Variants in GFRA1 observed in about 807,000 individuals in gnomAD.
The protein encoded by GFRA1 is GDNF family receptor alpha 1, also known as GDNF family receptor alpha-1.
A neutral mutation model predicts 51.6 loss-of-function variants in GFRA1; 16 were observed. The observed-to-expected ratio is 0.31, with a 90% confidence interval of 0.21 to 0.47. GFRA1 has a LOEUF of 0.47. Ranked by LOEUF, GFRA1 falls within the 20% of genes least tolerant of loss-of-function variation. The pLI, the probability that GFRA1 is intolerant of heterozygous loss-of-function variation, is 1.00. For missense variants in GFRA1, 530 were observed against 594.3 expected (o/e 0.89, Z 1.13); for synonymous variants, 270 against 241.3 (o/e 1.12, Z -1.10).
chr10:116,090,802 A>G (rs142263615), intron 8 of GFRA1, among the ~76,000 whole-genome samples: 1 of 152,212 alleles, frequency 6.6e-6, no homozygotes, highest in East Asian at 1.9e-4. Flanking sequence ...GCAAATTGTT[A>G]ATATATGACT....
intron 5 of GFRA1, among the ~76,000 whole-genome samples, chr10:116,157,486 C>T (rs1353434456): frequency 1.3e-5 from 2 of 152,226 alleles, no homozygotes; most frequent in Non-Finnish European, 2.9e-5. Context: ...TGAATCTGTG[C>T]CTTCCAGCCC....
intron 4 of GFRA1, among the ~76,000 whole-genome samples, chr10:116,248,016 T>C (rs1466173568): frequency 2.6e-5 from 4 of 152,210 alleles, no homozygotes; most frequent in African/African-American, 9.7e-5. Flanking sequence ...AATGGTTACA[T>C]TGGTTCATTC....
chr10:116,176,009 G>A (rs1241938774), intron 5 of GFRA1, among the ~76,000 whole-genome samples: 1 of 152,152 alleles, frequency 6.6e-6, no homozygotes, highest in Non-Finnish European at 1.5e-5. Context: ...CAGGCTGATC[G>A]TTTCCGCCAC....
At chr10:116,203,572 G>C (rs1173482152) in intron 5 of GFRA1, among the ~76,000 whole-genome samples, 1 of 152,218 alleles carries the variant, frequency 6.6e-6, no homozygotes, top group African/African-American at 2.4e-5. Flanking sequence ...GCTGGGGGAA[G>C]GTGGCACATG....
intron 4 of GFRA1, among the ~76,000 whole-genome samples, chr10:116,232,955 C>G (rs968126003): frequency 6.6e-6 from 1 of 152,150 alleles, no homozygotes; most frequent in Non-Finnish European, 1.5e-5. Context: ...CTAGTTCAGG[C>G]CAAAGAACAA....
At chr10:116,143,405 A>G (rs1958658487) in intron 5 of GFRA1, among the ~76,000 whole-genome samples, 1 of 151,710 alleles carries the variant, frequency 6.6e-6, no homozygotes, top group South Asian at 2.1e-4. Flanking sequence ...AAAATTCCTT[A>G]GTTGTCTTTA....
intron 5 of GFRA1, among the ~76,000 whole-genome samples, chr10:116,161,648 T>C (rs970439585): frequency 3.9e-5 from 6 of 152,124 alleles, no homozygotes; most frequent in African/African-American, 1.4e-4. Context: ...TGAGATATGA[T>C]GGTTTTTATA....
At position 116,198,601 on chromosome 10, in the gene GFRA1, C is replaced by T. The variant is rs12219317; in HGVS notation, c.433+13030G>A. Among the ~76,000 whole-genome samples the T allele has an allele frequency of 1.2e-4, 19 of 152,290 alleles. No individual in the cohort carries two copies. The East Asian group carries it at 1.9e-3, about 16-fold the overall frequency. ...CACAGCCCTTTCCTGCAAAGCTACT[C>T]GCCGTGTTTTCCTCTCTCCCAAGCC... On this transcript the variant is annotated intron_variant, in intron 5 of 10. Transcript: ENST00000355422.
chr10:116,162,306 C>T (rs1054822620), intron 5 of GFRA1, among the ~76,000 whole-genome samples: 4 of 152,166 alleles, frequency 2.6e-5, no homozygotes, highest in African/African-American at 4.8e-5. Context: ...ACCAGAGATC[C>T]GAAAGGACCC....
At position 116,134,328 on chromosome 10, in the gene GFRA1, C is replaced by T. The variant is rs564174433; in HGVS notation, c.434-8771G>A. 3.3e-5 allele frequency among the ~76,000 whole-genome samples: 5 copies of T among 152,250 alleles called. No homozygotes were observed. The East Asian group carries it at 9.7e-4, about 29-fold the overall frequency. On this transcript the variant is annotated intron_variant, in intron 5 of 10. Coordinates refer to ENST00000355422, the MANE Select transcript of GFRA1 (RefSeq NM_005264.8). Reference sequence around the variant, plus strand: ...TAACTACTGTTCTTCTTCTAATAGGCTCCCTCTAATGTGTTTTCCCAGAAA... The same window carrying T: ...TAACTACTGTTCTTCTTCTAATAGGTTCCCTCTAATGTGTTTTCCCAGAAA...
At chr10:116,128,099 A>G (rs1167917649) in intron 5 of GFRA1, among the ~76,000 whole-genome samples, 1 of 152,226 alleles carries the variant, frequency 6.6e-6, no homozygotes, top group Non-Finnish European at 1.5e-5. Flanking sequence ...CATGGCACTC[A>G]GTAATACAGG....
intron 9 of GFRA1, among the ~76,000 whole-genome samples, chr10:116,070,041 C>A (rs911581966): frequency 1.3e-5 from 2 of 152,182 alleles, no homozygotes; most frequent in African/African-American, 4.8e-5. Context: ...TCCTCCTCCA[C>A]GCATAAGAAA....
intron 6 of GFRA1, among the ~76,000 whole-genome samples, chr10:116,104,515 G>A (rs540275786): frequency 4.6e-5 from 7 of 152,290 alleles, no homozygotes; most frequent in South Asian, 4.1e-4. Context: ...ATGGAGTTCC[G>A]GCGATGCAGA....
At chr10:116,136,903 T>C (rs1028549872) in intron 5 of GFRA1, among the ~76,000 whole-genome samples, 2 of 152,182 alleles carry the variant, frequency 1.3e-5, no homozygotes, top group Admixed American at 1.3e-4. Context: ...AATGAATATA[T>C]GTAAGGATTT....
chr10:116,152,072 G>C (rs1435170194), intron 5 of GFRA1, among the ~76,000 whole-genome samples: 1 of 152,086 alleles, frequency 6.6e-6, no homozygotes, highest in South Asian at 2.1e-4. Context: ...AGTGGACAGT[G>C]GTAGGAAACC....
At chr10:116,204,585 A>T (rs1964585386) in intron 5 of GFRA1, among the ~76,000 whole-genome samples, 1 of 152,202 alleles carries the variant, frequency 6.6e-6, no homozygotes, top group Non-Finnish European at 1.5e-5. Context: ...TGCCATAAGT[A>T]TTACAGAAGT....
At chr10:116,250,214 T>C (rs1011219451) in intron 4 of GFRA1, among the ~76,000 whole-genome samples, 9 of 152,140 alleles carry the variant, frequency 5.9e-5, no homozygotes, top group Admixed American at 3.3e-4. Flanking sequence ...TCTCTGACAA[T>C]AGTACAGATG....
In GFRA1 at chr10:116,236,831, C is replaced by T. The variant is rs139850938; in HGVS notation, c.419-25186G>A. Among the ~76,000 whole-genome samples the T allele has an allele frequency of 1.8e-4, 28 of 152,308 alleles. No homozygotes were observed. In the East Asian group the frequency reaches 5.4e-3, roughly 29 times the overall value. ...TTGGTGAGATCCTGTGATTATCTGT[C>T]TTCTCCACTAAACAGGAAAAGGTTA... On this transcript the variant is annotated intron_variant, in intron 4 of 10. Transcript: ENST00000355422.
intron 9 of GFRA1, among the ~76,000 whole-genome samples, chr10:116,086,370 G>A (rs916991368): frequency 2.0e-5 from 3 of 152,166 alleles, no homozygotes; most frequent in African/African-American, 7.2e-5. Context: ...CATTCATAAA[G>A]CACCATTCTG....
Sources: gnomAD v4.1 joint callset for allele counts (sites outside exome capture counted in the v4.1 genomes callset) on GRCh38, gnomAD v4.1.1 for gene constraint, MANE v1.5 for transcripts, NCBI Gene and HGNC (gene_info 2026-07-23, HGNC 2026-07-21) for gene names.